The following PARG variants were observed in gnomAD, a reference collection of about 807,000 sequenced individuals.
PARG encodes mitochondrial poly(ADP-ribose) glycohydrolase.
In PARG, 35 loss-of-function variants were observed where a neutral mutation model predicts 113.0. That is an observed-to-expected ratio of 0.31 (90% CI 0.24 to 0.41). The LOEUF (loss-of-function observed/expected upper bound fraction) is 0.41, where lower values mean the gene tolerates loss of function less well. Ranked by LOEUF, PARG falls within the 10% of genes least tolerant of loss-of-function variation. PARG has a pLI of 1.00. For missense variants in PARG, 797 were observed against 1,169.4 expected, an observed-to-expected ratio of 0.68 and a Z score of 4.64; for synonymous variants, 330 against 409.9, an observed-to-expected ratio of 0.81 and a Z score of 2.36.
intron 13 of PARG, among the ~76,000 whole-genome samples, chr10:49,844,881 C>G (rs782115437): frequency 2.0e-5 from 3 of 152,066 alleles, no homozygotes; most frequent in African/African-American, 7.2e-5. Context: ...TCAGAATATG[C>G]GACGAACTCC....
chr10:49,928,902 CTTA>C (rs1407858842), intron 4 of PARG, among the ~76,000 whole-genome samples: 1 of 152,166 alleles, frequency 6.6e-6, no homozygotes, highest in Non-Finnish European at 1.5e-5. Context: ...ACATTTATAT[CTTA>C]TTATCATATT....
At chr10:49,828,194 A>G (rs1844469187) in intron 16 of PARG, among the ~76,000 whole-genome samples, 2 of 144,790 alleles carry the variant, frequency 1.4e-5, no homozygotes, top group African/African-American at 5.0e-5. Context: ...TTCTGAGTTT[A>G]TAAGAGAGCT....
rs536424650 is a variant in PARG at position 49,820,227 on chromosome 10, G to A, written c.2714C>T (p.Ser905Leu). 4 of 1,543,958 alleles carry A rather than the reference G, an allele frequency of 2.6e-6. No homozygotes were observed. The highest frequency in any genetic ancestry group is 4.9e-5 in the East Asian group (2 of 40,844). ...RDVVYFTFGDSELMRDIYSMH... is the reference protein window; with the variant it reads ...RDVVYFTFGDLELMRDIYSMH... Reference sequence around the variant, plus strand: ...GCTGTAAATGTCTCTCATCAATTCTGAGTCCCCAAAGGTGAAATAAACCAC... The same window carrying A: ...GCTGTAAATGTCTCTCATCAATTCTAAGTCCCCAAAGGTGAAATAAACCAC... Residue 905 changes from serine (S) to leucine (L), a missense_variant, in exon 17 of 18, where the codon TCA (serine) becomes TTA (leucine). By Grantham distance (145) the Ser-to-Leu change is moderately radical. This residue lies in a region of PARG where 194 missense variants were observed against 247.1 expected (regional missense o/e 0.79). Coordinates refer to ENST00000616448, the MANE Select transcript of PARG (RefSeq NM_003631.5).
intron 6 of PARG, among the ~76,000 whole-genome samples, chr10:49,919,144 T>C (rs1837660708): frequency 1.3e-5 from 2 of 152,180 alleles, no homozygotes; most frequent in South Asian, 4.1e-4. Context: ...TTTCACCATG[T>C]TGGCCAGGAT....
At chr10:49,878,013 C>CTGATCGCCA (rs2132615223) in intron 9 of PARG, among the ~76,000 whole-genome samples, 1 of 151,288 alleles carries the variant, frequency 6.6e-6, no homozygotes, top group African/African-American at 2.4e-5. Context: ...AGTCAGCAGA[C>CTGATCGCCA]ACTACCTTCG....
Position 49,941,920 on chromosome 10 carries a change from C to A in PARG, c.-195G>T, listed in dbSNP as rs1253573316. The A allele has an allele frequency of 9.4e-6, 10 of 1,064,196 alleles. No individual in the cohort carries two copies. The highest frequency in any genetic ancestry group is 1.4e-5 in the Non-Finnish European group (10 of 711,564). The allele number at this position is 1,064,196 out of a possible 1,614,324, so 65.9% of individuals were successfully genotyped here. A position where few individuals can be genotyped will look rare whatever the true frequency, so the allele number is the denominator to read the frequency against. On this transcript the variant is annotated 5_prime_UTR_variant, in exon 1 of 18. Transcript: ENST00000616448. ...TAAACACTCGCCTGCCTTCCCTCTT[C>A]CACTGGCACCCCACCTGCCTCAATG... is the stretch of plus-strand genomic sequence containing the variant.
chr10:49,903,237 C>A (rs1360407342), intron 7 of PARG, among the ~76,000 whole-genome samples: 1 of 152,010 alleles, frequency 6.6e-6, no homozygotes, highest in African/African-American at 2.4e-5. Flanking sequence ...GGTTGCGATG[C>A]ACTGCACTCC....
At chr10:49,939,888 G>T (rs1838937664) in intron 1 of PARG, among the ~76,000 whole-genome samples, 1 of 152,232 alleles carries the variant, frequency 6.6e-6, no homozygotes, top group African/African-American at 2.4e-5. Context: ...CCCGAGCTCT[G>T]CCCAGCCTCT....
intron 16 of PARG, 32 bp from the exon 17 acceptor site, chr10:49,820,325 A>G (rs947220953): frequency 1.4e-5 from 21 of 1,515,532 alleles, no homozygotes; most frequent in East Asian, 1.2e-4. Flanking sequence ...CGGCTATATC[A>G]TGACATTTTC....
At position 49,843,108 on chromosome 10, in the gene PARG, G is replaced by A. The variant is rs2132452499; in HGVS notation, c.2432+446C>T. On this transcript the variant is annotated intron_variant, in intron 14 of 17. Transcript: ENST00000616448. ...GACAAAGCAGCAAAGCACACCGCAG[G>A]TTCTGCCATCAACTGGTTTGTGGCA... Among the ~76,000 whole-genome samples the A allele has an allele frequency of 1.3e-5, 2 of 152,318 alleles. 1 individual carries two copies. Among genetic ancestry groups the A allele is most frequent in the South Asian group, 4.1e-4 (2 of 4,830 alleles).
At chr10:49,826,163 T>C (rs529376355) in intron 16 of PARG, among the ~76,000 whole-genome samples, 5 of 152,180 alleles carry the variant, frequency 3.3e-5, no homozygotes, top group Non-Finnish European at 7.3e-5. Flanking sequence ...TGAATGCACA[T>C]TATCATGCCA....
chr10:49,843,970 C>A (rs1367607820), intron 13 of PARG, among the ~76,000 whole-genome samples: 6 of 151,384 alleles, frequency 4.0e-5, no homozygotes, highest in African/African-American at 1.5e-4. Context: ...CATGGTGAAA[C>A]CCCACCTCTG....
At chr10:49,890,530 C>G (rs3884651) in intron 7 of PARG, among the ~76,000 whole-genome samples, 1 of 152,228 alleles carries the variant, frequency 6.6e-6, no homozygotes, top group Admixed American at 6.5e-5. Context: ...GGTCACTGAC[C>G]TCATGAATCT....
At chr10:49,843,205 T>C (rs1162426112) in intron 14 of PARG, among the ~76,000 whole-genome samples, 2 of 152,222 alleles carry the variant, frequency 1.3e-5, no homozygotes, top group Admixed American at 1.3e-4. Flanking sequence ...CTTAATAAGT[T>C]GGTCAAAGGC....
At chr10:49,831,590 A>C (rs1554830270) in intron 16 of PARG, among the ~76,000 whole-genome samples, 3 of 152,128 alleles carry the variant, frequency 2.0e-5, no homozygotes, top group Admixed American at 6.5e-5. Flanking sequence ...CCAATGATTT[A>C]ATCAATCATG....
At chr10:49,876,503 A>C (rs1482871165) in intron 9 of PARG, among the ~76,000 whole-genome samples, 3 of 151,636 alleles carry the variant, frequency 2.0e-5, no homozygotes, top group Non-Finnish European at 4.4e-5. Context: ...TCCTTTATTA[A>C]ATTATATCTT....
intron 14 of PARG, among the ~76,000 whole-genome samples, chr10:49,842,889 A>C (rs1047292475): frequency 2.0e-5 from 3 of 152,320 alleles, no homozygotes; most frequent in African/African-American, 7.2e-5. Flanking sequence ...AGACATTATG[A>C]GGAATAAATT....
chr10:49,821,956 G>A (rs962639344), intron 16 of PARG, among the ~76,000 whole-genome samples: 2 of 152,150 alleles, frequency 1.3e-5, no homozygotes, highest in Non-Finnish European at 2.9e-5. Context: ...TCTTAGGCCA[G>A]AAAGAGAGAA....
In PARG at chr10:49,818,732, G is replaced by A. The variant is rs1338722579; in HGVS notation, c.*608C>T. ...CAGACAAACCATTACAGATAAAAAT[G>A]ATACCTCAAAAGTACAATTTCTGGA... On this transcript the variant is annotated 3_prime_UTR_variant, in exon 18 of 18. Coordinates refer to ENST00000616448, the MANE Select transcript of PARG (RefSeq NM_003631.5). The A allele has an allele frequency of 1.3e-5, 2 of 152,002 alleles. No individual in the cohort carries two copies. Among genetic ancestry groups the A allele is most frequent in the Non-Finnish European group, 2.9e-5 (2 of 68,020 alleles). The allele number at this position is 152,002 out of a possible 1,614,324, so 9.4% of individuals were successfully genotyped here. A position where few individuals can be genotyped will look rare whatever the true frequency, so the allele number is the denominator to read the frequency against.
Sources: gnomAD v4.1 joint callset for allele counts (sites outside exome capture counted in the v4.1 genomes callset) on GRCh38, gnomAD v4.1.1 for gene constraint, gnomAD v4.1.1 regional missense constraint, MANE v1.5 for transcripts, NCBI Gene and HGNC (gene_info 2026-07-23, HGNC 2026-07-21) for gene names.